NEK7: variants seen among roughly 807,000 people sequenced by gnomAD.
NEK7 encodes NIMA related kinase 7, also known as serine/threonine-protein kinase Nek7.
A neutral mutation model predicts 44.6 loss-of-function variants in NEK7; 18 were observed. That is an observed-to-expected ratio of 0.40 (90% CI 0.28 to 0.60). NEK7 has a LOEUF of 0.60. Among genes scored for constraint, NEK7 ranks in the 20% least tolerant of loss-of-function variants. NEK7 has a pLI of 0.38. For missense variants in NEK7, 256 were observed against 366.5 expected (o/e 0.70, Z 2.46); for synonymous variants, 130 against 121.1 (o/e 1.07, Z -0.48).
intron 9 of NEK7, among the ~76,000 whole-genome samples, chr1:198,315,861 GT>G (rs1472375408): frequency 1.3e-5 from 2 of 152,210 alleles, no homozygotes; most frequent in Non-Finnish European, 2.9e-5. Context: ...TCAGAAGGCA[GT>G]TGGAAGTATG....
At chr1:198,279,122 G>A in intron 7 of NEK7, 61 bp downstream of exon 7, 2 of 1,016,250 alleles carry the variant, frequency 2.0e-6, no homozygotes, top group Non-Finnish European at 3.1e-6. Flanking sequence ...AAAGATAAGA[G>A]GTATACCAAT....
At chr1:198,201,282 A>C (rs979248043) in intron 1 of NEK7, among the ~76,000 whole-genome samples, 4 of 152,152 alleles carry the variant, frequency 2.6e-5, no homozygotes, top group African/African-American at 9.7e-5. Flanking sequence ...ATTTTAGGAT[A>C]CACTGAATGG....
intron 3 of NEK7, among the ~76,000 whole-genome samples, chr1:198,258,285 A>G (rs1309728921): frequency 6.6e-6 from 1 of 152,144 alleles, no homozygotes. Flanking sequence ...CTAAAAATAC[A>G]AAAATTAGCT....
At chr1:198,289,131 TTGTG>T (rs71133921) in intron 7 of NEK7, among the ~76,000 whole-genome samples, 20,848 of 148,520 alleles carry the variant, frequency 0.14, 1,656 homozygotes, top group African/African-American at 0.21. Flanking sequence ...TTCCCTGAAG[TTGTG>T]TGTGTGTGTG....
At chr1:198,266,710 GTAATA>G (rs1292963038) in intron 5 of NEK7, among the ~76,000 whole-genome samples, 3 of 152,078 alleles carry the variant, frequency 2.0e-5, no homozygotes, top group African/African-American at 4.8e-5. Flanking sequence ...TGATGGTTAA[GTAATA>G]TAATATATAG....
At chr1:198,161,041 GC>G (rs1464836078) in intron 1 of NEK7, among the ~76,000 whole-genome samples, 4 of 152,104 alleles carry the variant, frequency 2.6e-5, no homozygotes, top group Non-Finnish European at 5.9e-5. Flanking sequence ...CAAAATAACT[GC>G]CCTGCCATAC....
chr1:198,252,775 G>A (rs1653113524), intron 2 of NEK7, among the ~76,000 whole-genome samples: 1 of 150,812 alleles, frequency 6.6e-6, no homozygotes, highest in African/African-American at 2.4e-5. Flanking sequence ...ATATATATAT[G>A]TATGTTTTAA....
At chr1:198,234,398 C>G (rs1666489655) in intron 2 of NEK7, among the ~76,000 whole-genome samples, 1 of 151,982 alleles carries the variant, frequency 6.6e-6, no homozygotes. Context: ...ACATAGACCT[C>G]TTAGGACTCA....
chr1:198,279,316 T>C (rs1382459350), intron 7 of NEK7, among the ~76,000 whole-genome samples: 4 of 151,986 alleles, frequency 2.6e-5, no homozygotes, highest in Admixed American at 6.6e-5. Flanking sequence ...GGTTTAACTA[T>C]TGCCATAGAA....
rs909586369 is a variant in NEK7 at position 198,189,998 on chromosome 1, A to G, written c.-29+32722A>G. Among the ~76,000 whole-genome samples, 27 of 152,266 alleles carry G rather than the reference A, an allele frequency of 1.8e-4. No individual in the cohort carries two copies. In the East Asian group the frequency reaches 4.8e-3, roughly 27 times the overall value. ...ATTGCCATATAGGCAAATGTTAAGA[A>G]TGCAACATCTTGAATAATTCTTTCC... On this transcript the variant is annotated intron_variant, in intron 1 of 9. Transcript: ENST00000367385.
intron 1 of NEK7, among the ~76,000 whole-genome samples, chr1:198,166,137 C>T (rs1028139837): frequency 7.9e-5 from 12 of 152,198 alleles, no homozygotes; most frequent in African/African-American, 2.2e-4. Context: ...CTATCCAGAC[C>T]GCTAAAACTT....
At chr1:198,165,622 C>T (rs1286243998) in intron 1 of NEK7, among the ~76,000 whole-genome samples, 1 of 152,104 alleles carries the variant, frequency 6.6e-6, no homozygotes, top group Non-Finnish European at 1.5e-5. Context: ...TGTGCTGTTG[C>T]CCAGGTTTTG....
intron 1 of NEK7, among the ~76,000 whole-genome samples, chr1:198,193,643 GA>G (rs1665142904): frequency 6.6e-6 from 1 of 152,162 alleles, no homozygotes; most frequent in African/African-American, 2.4e-5. Context: ...TGGGATGCAA[GA>G]TTGGTTCAAC....
At chr1:198,261,659 GA>G (rs1445114255) in intron 3 of NEK7, among the ~76,000 whole-genome samples, 23 of 151,470 alleles carry the variant, frequency 1.5e-4, no homozygotes, top group Non-Finnish European at 1.5e-5. Context: ...TACTGACTTA[GA>G]TTTTTTTTGC....
chr1:198,232,629 C>G lies in NEK7; in HGVS notation c.49C>G (p.Gln17Glu). 6.3e-7 allele frequency: 1 copy of G among 1,588,550 alleles called. No homozygotes were observed. The highest frequency in any genetic ancestry group is 8.6e-7 in the Non-Finnish European group (1 of 1,157,126). Residue 17 changes from glutamine (Q) to glutamate (E), a missense_variant, in exon 2 of 10, where the codon CAA becomes GAA. Transcript: ENST00000367385. ...GCAAGGGCCACCTGTTCCTCAGTTCCAACCACAGGTAATTTATCCTAATTA... is the reference window on the plus strand; with the variant it reads ...GCAAGGGCCACCTGTTCCTCAGTTCGAACCACAGGTAATTTATCCTAATTA... ...GMQGPPVPQF[Q>E]PQKALRPDMG...
At chr1:198,189,860 A>G (rs1182005847) in intron 1 of NEK7, among the ~76,000 whole-genome samples, 1 of 152,160 alleles carries the variant, frequency 6.6e-6, no homozygotes, top group Non-Finnish European at 1.5e-5. Flanking sequence ...GGATGTGAAT[A>G]AAGAATTTGT....
intron 2 of NEK7, among the ~76,000 whole-genome samples, chr1:198,240,573 T>C (rs951154830): frequency 1.3e-5 from 2 of 152,186 alleles, no homozygotes; most frequent in East Asian, 3.9e-4. Flanking sequence ...GTGAATTTGA[T>C]ATTTGGAAAT....
chr1:198,254,155 TGAAAC>T (rs2102928982), intron 3 of NEK7, among the ~76,000 whole-genome samples: 1 of 152,180 alleles, frequency 6.6e-6, no homozygotes, highest in African/African-American at 2.4e-5. Flanking sequence ...CATTTAAAAA[TGAAAC>T]TAATGATTTA....
chr1:198,319,243 T>C (rs961111639), intron 9 of NEK7, among the ~76,000 whole-genome samples, 169 bp from the exon 10 acceptor site: 15 of 152,222 alleles, frequency 9.9e-5, no homozygotes, highest in African/African-American at 3.6e-4. Context: ...ATTTAACTTA[T>C]TGTAAGATCA....
Sources: gnomAD v4.1 joint callset for allele counts (sites outside exome capture counted in the v4.1 genomes callset) on GRCh38, gnomAD v4.1.1 for gene constraint, MANE v1.5 for transcripts, NCBI Gene and HGNC (gene_info 2026-07-23, HGNC 2026-07-21) for gene names.